SGCD: variants seen among roughly 807,000 people sequenced by gnomAD.
The protein encoded by SGCD is sarcoglycan delta.
In SGCD, 18 loss-of-function variants were observed where a neutral mutation model predicts 36.6. That is an observed-to-expected ratio of 0.49 (90% CI 0.34 to 0.73). SGCD has a LOEUF of 0.73. Among genes scored for constraint, SGCD ranks in the 30% least tolerant of loss-of-function variants. The pLI is 0.01. For missense variants in SGCD, 387 were observed against 346.7 expected (o/e 1.12, Z -0.92); for synonymous variants, 133 against 130.6 (o/e 1.02, Z -0.12).
At chr5:156,247,630 C>T (rs1765471606) in intron 3 of SGCD, among the ~76,000 whole-genome samples, 1 of 147,432 alleles carries the variant, frequency 6.8e-6, no homozygotes, top group Non-Finnish European at 1.5e-5. Flanking sequence ...AGAAAGAAAT[C>T]AAAAGGATGT....
intron 3 of SGCD, among the ~76,000 whole-genome samples, chr5:156,384,641 A>G (rs1771177021): frequency 6.8e-6 from 1 of 146,500 alleles, no homozygotes; most frequent in Admixed American, 6.7e-5. Context: ...GAGAGATGCA[A>G]TTAAAAAACA....
At position 156,762,164 on chromosome 5, in the gene SGCD, ATTCT is replaced by A. The variant is rs1459991213; in HGVS notation, c.*2779_*2782del. The A allele has an allele frequency of 6.6e-6, 1 of 152,538 alleles. No homozygotes were observed. Among genetic ancestry groups the A allele is most frequent in the African/African-American group, 2.4e-5 (1 of 41,410 alleles). The allele number at this position is 152,538 out of a possible 1,614,324, so 9.4% of individuals were successfully genotyped here. ...TAACGCCTACTTTTTAAAAAATGAG[ATTCT>A]TTCTAATCTTTATATATGACATTTT... On this transcript the variant is annotated 3_prime_UTR_variant, in exon 9 of 9. Transcript: ENST00000337851.
intron 4 of SGCD, among the ~76,000 whole-genome samples, chr5:156,547,661 C>T (rs1758634862): frequency 6.6e-6 from 1 of 152,002 alleles, no homozygotes; most frequent in African/African-American, 2.4e-5. Flanking sequence ...CCAGGATGGT[C>T]TCAATCTCCT....
chr5:155,858,019 CTT>C, the SGCD span, among the ~76,000 whole-genome samples: 2 of 152,106 alleles, frequency 1.3e-5, no homozygotes, highest in Non-Finnish European at 2.9e-5. Context: ...TATTTTATCT[CTT>C]GTGTAGGCTT....
intron 2 of SGCD, among the ~76,000 whole-genome samples, chr5:156,119,419 A>G (rs117619118): frequency 6.3e-4 from 96 of 152,218 alleles, no homozygotes; most frequent in East Asian, 5.0e-3. Flanking sequence ...ATTTCCTTCT[A>G]TGCAAATAGA....
chr5:156,172,505 G>A (rs1763369097), intron 3 of SGCD, among the ~76,000 whole-genome samples: 1 of 151,420 alleles, frequency 6.6e-6, no homozygotes, highest in Non-Finnish European at 1.5e-5. Flanking sequence ...ATAAAATTAG[G>A]AGATTGAGTT....
upstream of SGCD, among the ~76,000 whole-genome samples, chr5:156,324,659 T>C (rs564171879): frequency 6.6e-6 from 1 of 152,248 alleles, no homozygotes; most frequent in South Asian, 2.1e-4. Flanking sequence ...ATCAGCATTG[T>C]TTGATTAGGG....
intron 1 of SGCD, among the ~76,000 whole-genome samples, chr5:156,114,700 C>G (rs943457228): frequency 6.6e-6 from 1 of 151,956 alleles, no homozygotes; most frequent in Admixed American, 6.6e-5. Flanking sequence ...AGACTTTTTC[C>G]TAATCATCAA....
chr5:156,174,345 C>A (rs150094300), intron 3 of SGCD, among the ~76,000 whole-genome samples: 192 of 152,266 alleles, frequency 1.3e-3, no homozygotes, highest in Non-Finnish European at 1.8e-3. Flanking sequence ...AAGGAAATGG[C>A]TTTCCAGTGG....
intron 3 of SGCD, among the ~76,000 whole-genome samples, chr5:156,173,377 A>G (rs1391559105): frequency 1.3e-5 from 2 of 152,208 alleles, no homozygotes; most frequent in African/African-American, 4.8e-5. Flanking sequence ...CAGTGCTTCA[A>G]TGCATTAATG....
intron 6 of SGCD, among the ~76,000 whole-genome samples, chr5:156,634,255 G>T (rs556256781): frequency 1.3e-5 from 2 of 149,222 alleles, no homozygotes; most frequent in African/African-American, 4.9e-5. Flanking sequence ...CGTCACTGGG[G>T]CCTGTTGGGG....
chr5:156,395,417 G>T (rs1185431396), intron 3 of SGCD, among the ~76,000 whole-genome samples: 1 of 152,208 alleles, frequency 6.6e-6, no homozygotes, highest in African/African-American at 2.4e-5. Context: ...CAGATTGTTA[G>T]AGTTATTGTT....
chr5:155,892,758 A>G (rs1317654861), intron 1 of SGCD, among the ~76,000 whole-genome samples: 1 of 152,232 alleles, frequency 6.6e-6, no homozygotes, highest in Non-Finnish European at 1.5e-5. Flanking sequence ...CATTCTTTTT[A>G]TGGCTGAATA....
At chr5:156,387,400 G>T (rs1246088362) in intron 3 of SGCD, among the ~76,000 whole-genome samples, 1 of 152,154 alleles carries the variant, frequency 6.6e-6, no homozygotes, top group African/African-American at 2.4e-5. Context: ...AAATAATTGG[G>T]AGGGGGGTGC....
At chr5:156,643,908 C>T (rs1180559950) in intron 6 of SGCD, among the ~76,000 whole-genome samples, 1 of 152,120 alleles carries the variant, frequency 6.6e-6, no homozygotes, top group Admixed American at 6.6e-5. Context: ...TATTTTAACT[C>T]TGCCTTTTGA....
At chr5:155,867,847 G>A (rs912386713), upstream of SGCD, among the ~76,000 whole-genome samples, 8 of 152,150 alleles carry the variant, frequency 5.3e-5, no homozygotes, top group Non-Finnish European at 1.2e-4. Flanking sequence ...TTGAGATGAA[G>A]AAAAGATGAC....
rs563225089 is a variant in SGCD at position 156,650,105 on chromosome 5, A to G, written c.575+2569A>G. Reference sequence around the variant, plus strand: ...GAGATGCATAGCCTGAAGAACATGGAGCAGAGTATTTGCACATGTTATGCT... The same window carrying G: ...GAGATGCATAGCCTGAAGAACATGGGGCAGAGTATTTGCACATGTTATGCT... On this transcript the variant is annotated intron_variant, in intron 7 of 8. Transcript: ENST00000337851. 2.6e-5 allele frequency among the ~76,000 whole-genome samples: 4 copies of G among 152,238 alleles called. No individual in the cohort carries two copies. The East Asian group carries it at 5.8e-4, about 22-fold the overall frequency.
At chr5:156,582,493 G>A (rs1356841841) in intron 4 of SGCD, among the ~76,000 whole-genome samples, 2 of 152,126 alleles carry the variant, frequency 1.3e-5, no homozygotes, top group Non-Finnish European at 2.9e-5. Context: ...TGTGACATCT[G>A]CACTCCCACA....
chr5:156,508,648 A>G lies in SGCD; in HGVS notation c.240A>G (p.Glu80=). The G allele has an allele frequency of 6.2e-7, 1 of 1,612,554 alleles. No individual in the cohort carries two copies. The highest frequency in any genetic ancestry group is 8.5e-7 in the Non-Finnish European group (1 of 1,178,784). Residue 80 remains glutamate, a synonymous_variant, in exon 4 of 9, where the codon GAA becomes GAG. Transcript: ENST00000337851. The part of the protein sequence containing the change: ...LRITEKGLKL[E]GDSEFLQPLY... ...TCACAGAAAAAGGTCTAAAGCTAGA[A>G]GGAGACTCTGAATTCTTACAACCTC...
Sources: allele counts gnomAD v4.1 joint callset (sites outside exome capture counted in the v4.1 genomes callset), GRCh38; gene constraint gnomAD v4.1.1; transcripts MANE v1.5; gene names NCBI Gene and HGNC (gene_info 2026-07-23, HGNC 2026-07-21).